MYO18A: variants seen among roughly 807,000 people sequenced by gnomAD.
MYO18A encodes unconventional myosin-XVIIIa.
In MYO18A, 78 loss-of-function variants were observed where a neutral mutation model predicts 235.8. The observed-to-expected ratio is 0.33, with a 90% CI of 0.28 to 0.40. MYO18A has a LOEUF of 0.40. Among genes scored for constraint, MYO18A ranks in the 10% least tolerant of loss-of-function variants. The pLI, the probability that MYO18A is intolerant of heterozygous loss-of-function variation, is 1.00. For synonymous variants in MYO18A, 977 were observed against 1,077.8 expected, an observed-to-expected ratio of 0.91 and a Z score of 1.83; for missense variants, 2,215 against 2,699.3, an observed-to-expected ratio of 0.82 and a Z score of 3.98.
intron 18 of MYO18A, 56 bp from the exon 19 acceptor site, chr17:29,110,157 G>A (rs2066893961): frequency 1.3e-6 from 2 of 1,579,032 alleles, no homozygotes. Context: ...GCTCAGAAGA[G>A]CAGGGACTGG....
chr17:29,105,192 A>AAAAAG (rs925661551), intron 20 of MYO18A, among the ~76,000 whole-genome samples: 1 of 150,602 alleles, frequency 6.6e-6, no homozygotes, highest in African/African-American at 2.4e-5. Context: ...AAAAAAAAAA[A>AAAAAG]AAAAGAAAAG....
chr17:29,075,024 CCAAA>C, intron 41 of MYO18A, 110 bp from the exon 42 acceptor site: 1 of 1,325,194 alleles, frequency 7.5e-7, no homozygotes, highest in South Asian at 1.4e-5. Context: ...TCCCCAAAAG[CCAAA>C]CATTGTTAAG....
In MYO18A at chr17:29,098,933, T is replaced by C. The variant is rs374212038; in HGVS notation, c.3673A>G (p.Ile1225Val). ...TCCTTCACCCCTTTGTTCTTCTTGA[T>C]GTTCTTCTGTACACAGCGAATGGCC... is the stretch of plus-strand genomic sequence containing the variant. ...DLAIRCVQKN[I>V]KKNKGVKDWP... is the part of the protein sequence containing the mutation. The change falls in exon 23 of 42, where the codon ATC becomes GTC. Residue 1225 changes from isoleucine (I) to valine (V), a missense_variant. Transcript: ENST00000527372. The C allele has an allele frequency of 1.5e-5, 24 of 1,613,696 alleles. No individual in the cohort carries two copies. The highest frequency in any genetic ancestry group is 1.9e-5 in the Non-Finnish European group (22 of 1,179,868).
chr17:29,179,525 A>G lies in MYO18A; in HGVS notation c.-82+788T>C, dbSNP rs1403993482. On this transcript the variant is annotated intron_variant, in intron 1 of 41. Coordinates refer to ENST00000527372, the MANE Select transcript of MYO18A (RefSeq NM_078471.4). ...TACCACCTCCCCTTCCCATTGGCGA[A>G]ACAACTGGCATGACAGGTTAGCAGG... Among the ~76,000 whole-genome samples, 3 of 152,110 alleles carry G rather than the reference A, an allele frequency of 2.0e-5. No individual in the cohort carries two copies. The East Asian group carries it at 5.8e-4, about 29-fold the overall frequency.
intron 41 of MYO18A, chr17:29,079,986 C>T (rs749103423): frequency 3.2e-4 from 316 of 985,948 alleles, no homozygotes; most frequent in Non-Finnish European, 3.7e-4. Context: ...AGCGCCCCTT[C>T]TTCCGCCTCT....
rs556971677 is a variant in MYO18A at position 29,085,480 on chromosome 17, A to G, written c.5897+124T>C. On this transcript the variant is annotated intron_variant, in intron 40 of 41. Transcript: ENST00000527372. ...AGCATGTTAGCGTTAGAGACCAGTGAGGCGGGAGTGTGGGGAGGCTGTATC... is the reference window on the plus strand; with the variant it reads ...AGCATGTTAGCGTTAGAGACCAGTGGGGCGGGAGTGTGGGGAGGCTGTATC... 2.2e-5 allele frequency: 18 copies of G among 808,164 alleles called. No individual in the cohort carries two copies. In the South Asian group the frequency reaches 2.8e-4, roughly 13 times the overall value. 50.1% of individuals were successfully genotyped at this position (808,164 alleles called of 1,614,324 possible).
chr17:29,128,657 A>G (rs1041784987), intron 2 of MYO18A: 3 of 828,696 alleles, frequency 3.6e-6, no homozygotes, highest in Non-Finnish European at 4.9e-6. Context: ...TCTCCCATTC[A>G]TCTACCAAGC....
intron 2 of MYO18A, among the ~76,000 whole-genome samples, chr17:29,137,519 CA>C (rs2067632167): frequency 6.6e-6 from 1 of 152,170 alleles, no homozygotes; most frequent in East Asian, 1.9e-4. Flanking sequence ...ACAATAGCCA[CA>C]AAATGCATCA....
At chr17:29,134,138 G>A (rs1639848153) in intron 2 of MYO18A, among the ~76,000 whole-genome samples, 1 of 152,182 alleles carries the variant, frequency 6.6e-6, no homozygotes, top group Admixed American at 6.5e-5. Context: ...GTCTCACTCT[G>A]TAGGCCAGGC....
intron 1 of MYO18A, among the ~76,000 whole-genome samples, chr17:29,179,413 A>T (rs2068600573): frequency 6.6e-6 from 1 of 151,990 alleles, no homozygotes. Context: ...TATCGCACCC[A>T]GGAACATGAC....
chr17:29,084,408 G>T (rs73268324), intron 40 of MYO18A, among the ~76,000 whole-genome samples: 1 of 152,070 alleles, frequency 6.6e-6, no homozygotes, highest in Non-Finnish European at 1.5e-5. Context: ...GCCTGCCCTC[G>T]CCTTCCCTTT....
At chr17:29,173,780 A>T (rs11080087) in intron 1 of MYO18A, among the ~76,000 whole-genome samples, 96,722 of 151,674 alleles carry the variant, frequency 0.64, 31,983 homozygotes, top group East Asian at 0.88. Flanking sequence ...AAAAAAAAAA[A>T]TTTTTTTAAG....
In MYO18A at chr17:29,116,415, G is replaced by C. The variant is rs1288277629; in HGVS notation, c.2050+29C>G. 6 of 1,613,744 alleles carry C rather than the reference G, an allele frequency of 3.7e-6. No individual in the cohort carries two copies. The African/African-American group carries it at 8.0e-5, about 22-fold the overall frequency. ...AACATGTGTCTAATCACGGCAATTA[G>C]GGAAAGCTAACAAGAAACAAGGTTT... On this transcript the variant is annotated intron_variant, in intron 11 of 41. Coordinates refer to ENST00000527372, the MANE Select transcript of MYO18A (RefSeq NM_078471.4).
At chr17:29,128,083 G>T (rs1020535479) in intron 2 of MYO18A, 2 of 1,026,200 alleles carry the variant, frequency 1.9e-6, no homozygotes, top group Non-Finnish European at 2.3e-6. Context: ...ACTGCTTGCC[G>T]CGGGCCTTGT....
rs1045500891 is a variant in MYO18A at position 29,118,862 on chromosome 17, G to A, written c.1830-422C>T. Reference sequence around the variant, plus strand: ...CTGAATGTCTGAAGGGAAGAGCGTGGCAGAGGCAGCCAACGTGGGGCAGGA... The same window carrying A: ...CTGAATGTCTGAAGGGAAGAGCGTGACAGAGGCAGCCAACGTGGGGCAGGA... On this transcript the variant is annotated intron_variant, in intron 8 of 41. Coordinates refer to ENST00000527372, the MANE Select transcript of MYO18A (RefSeq NM_078471.4). The surrounding 1 kb of genome is among the most constrained non-coding windows in gnomAD (Gnocchi z 4.2). Among the ~76,000 whole-genome samples the A allele has an allele frequency of 6.6e-6, 1 of 152,234 alleles. No homozygotes were observed. Among genetic ancestry groups the A allele is most frequent in the African/African-American group, 2.4e-5 (1 of 41,450 alleles).
chr17:29,120,901 G>T lies in MYO18A; in HGVS notation c.1585+97C>A. On this transcript the variant is annotated intron_variant, in intron 6 of 41. Transcript: ENST00000527372. The surrounding 1 kb of genome is among the most constrained non-coding windows in gnomAD (Gnocchi z 4.2). ...CAGAGGGGTTTCGGGGGGATGGAAA[G>T]GCCAGGGAGAAAAAGAGCTGGCACT... The T allele has an allele frequency of 6.4e-7, 1 of 1,559,704 alleles. No homozygotes were observed. Among genetic ancestry groups the T allele is most frequent in the Non-Finnish European group, 8.7e-7 (1 of 1,146,712 alleles).
chr17:29,111,644 C>G lies in MYO18A; in HGVS notation c.2741-61G>C, dbSNP rs1305155036. The G allele has an allele frequency of 6.2e-7, 1 of 1,611,652 alleles. No homozygotes were observed. The highest frequency in any genetic ancestry group is 8.5e-7 in the Non-Finnish European group (1 of 1,178,306). The stretch of plus-strand genomic sequence containing the variant: ...GTACAGGCACAAAGTGACCCCCGCC[C>G]CCTCCCAGGGAGTGCCACCTGGACC... On this transcript the variant is annotated intron_variant, in intron 16 of 41. Transcript: ENST00000527372. The surrounding 1 kb of genome is among the most constrained non-coding windows in gnomAD (Gnocchi z 5.1).
chr17:29,136,185 C>T (rs2067592693), intron 2 of MYO18A, among the ~76,000 whole-genome samples: 1 of 143,990 alleles, frequency 6.9e-6, no homozygotes, highest in South Asian at 2.2e-4. Flanking sequence ...GCAGAGATCG[C>T]AATACTGCAT....
At position 29,109,796 on chromosome 17, in the gene MYO18A, G is replaced by A. The variant is rs935138802; in HGVS notation, c.3331+62C>T. On this transcript the variant is annotated intron_variant, in intron 19 of 41. Transcript: ENST00000527372. This position sits in a 1 kb window ranked among gnomAD's most constrained non-coding sequence, Gnocchi z 4.1. ...AGCCCACGGGTCGCAGGTGGGAGGT[G>A]GGGCCGGGCAGGGCCAGCTCTGGAA... 2.0e-6 allele frequency: 3 copies of A among 1,528,558 alleles called. No homozygotes were observed. Among genetic ancestry groups the A allele is most frequent in the Admixed American group, 4.0e-5 (2 of 50,226 alleles). 94.7% of individuals were successfully genotyped at this position (1,528,558 alleles called of 1,614,324 possible).
Sources: allele counts gnomAD v4.1 joint callset (sites outside exome capture counted in the v4.1 genomes callset), GRCh38; gene constraint gnomAD v4.1.1; non-coding constraint Gnocchi (gnomAD v3.1); transcripts MANE v1.5; gene names NCBI Gene and HGNC (gene_info 2026-07-23, HGNC 2026-07-21).